The following CRTC1 variants were observed in gnomAD, a reference collection of about 807,000 sequenced individuals.
The protein encoded by CRTC1 is CREB-regulated transcription coactivator 1.
CRTC1 carries 18 observed loss-of-function variants against 66.1 expected under a neutral mutation model. The observed-to-expected ratio is 0.27, with a 90% CI of 0.19 to 0.40. The LOEUF (loss-of-function observed/expected upper bound fraction) is 0.40, where lower values mean the gene tolerates loss of function less well. Ranked by LOEUF, CRTC1 falls within the 10% of genes least tolerant of loss-of-function variation. CRTC1 has a pLI of 1.00. For missense variants in CRTC1, 669 were observed against 887.9 expected, an observed-to-expected ratio of 0.75 and a Z score of 3.13; for synonymous variants, 416 against 398.8, an observed-to-expected ratio of 1.04 and a Z score of -0.51.
At chr19:18,734,568 C>T (rs1391232683) in intron 1 of CRTC1, among the ~76,000 whole-genome samples, 2 of 152,010 alleles carry the variant, frequency 1.3e-5, no homozygotes, top group African/African-American at 2.4e-5. Context: ...CCACTACTCC[C>T]AGCTACTTAG....
chr19:18,746,082 G>A (rs896067380), intron 3 of CRTC1, 122 bp downstream of exon 3: 29 of 1,342,244 alleles, frequency 2.2e-5, no homozygotes, highest in Non-Finnish European at 2.8e-5. Context: ...CAGAATCAGG[G>A]CAGCACCATC....
At position 18,770,934 on chromosome 19, in the gene CRTC1, CTG is replaced by C. The variant is rs374362853; in HGVS notation, c.1321-499_1321-498del. Among the ~76,000 whole-genome samples, 33 of 142,454 alleles carry C rather than the reference CTG, an allele frequency of 2.3e-4. No individual in the cohort carries two copies. The East Asian group carries it at 2.9e-3, about 13-fold the overall frequency. The allele number at this position is 142,454 out of a possible 152,430, so 93.5% of individuals were successfully genotyped here. On this transcript the variant is annotated intron_variant, in intron 10 of 13. Coordinates refer to ENST00000321949, the MANE Select transcript of CRTC1 (RefSeq NM_015321.3). ...TGTACGTTTGTGTGTGGATGTGTGC[CTG>C]TGTGTGTGCATTTGTGGGTGTGAGT...
In CRTC1 at chr19:18,768,668, T is replaced by C. The variant is rs1283792424; in HGVS notation, c.1195T>C (p.Leu399=). ...PVRLPPGGPL[L]PSASLTRGPQ... Reference sequence around the variant, plus strand: ...CCGCCTGCCCCCTGGTGGCCCCCTGTTGCCCAGCGCCAGCCTGACTCGTGG... The same window carrying C: ...CCGCCTGCCCCCTGGTGGCCCCCTGCTGCCCAGCGCCAGCCTGACTCGTGG... Residue 399 remains leucine (L), a synonymous_variant, in exon 10 of 14, where the codon TTG becomes CTG. Transcript: ENST00000321949. The surrounding 1 kb of genome is among the most constrained non-coding windows in gnomAD (Gnocchi z 5.6). The C allele has an allele frequency of 6.6e-7, 1 of 1,523,140 alleles. No individual in the cohort carries two copies. 94.4% of individuals were successfully genotyped at this position (1,523,140 alleles called of 1,614,324 possible).
intron 3 of CRTC1, 109 bp from the exon 4 acceptor site, chr19:18,746,944 G>A (rs1432973882): frequency 2.1e-6 from 2 of 953,216 alleles, no homozygotes; most frequent in Non-Finnish European, 3.3e-6. Context: ...CTGTTTGCAG[G>A]CCTCAGGCCG....
In CRTC1 at chr19:18,771,408, G is replaced by T. The variant is rs774846546; in HGVS notation, c.1321-34G>T. ...GACTGGAGCCCGGGCTTGGGCAGCT[G>T]GGCTGCGGCGTGCTGATCTGTCTGT... On this transcript the variant is annotated intron_variant, in intron 10 of 13. Transcript: ENST00000321949. This position sits in a 1 kb window ranked among gnomAD's most constrained non-coding sequence, Gnocchi z 4.6. 18 of 1,572,982 alleles carry T rather than the reference G, an allele frequency of 1.1e-5. No individual in the cohort carries two copies. In the East Asian group the frequency reaches 3.8e-4, roughly 33 times the overall value.
intron 2 of CRTC1, 118 bp downstream of exon 2, chr19:18,743,144 C>A: frequency 1.3e-6 from 1 of 796,278 alleles, no homozygotes; most frequent in Non-Finnish European, 2.1e-6. Context: ...CCCACCCAAC[C>A]ACTGCCTTCT....
At chr19:18,712,131 T>C (rs1340963069) in intron 1 of CRTC1, among the ~76,000 whole-genome samples, 1 of 151,854 alleles carries the variant, frequency 6.6e-6, no homozygotes, top group Admixed American at 6.6e-5. Context: ...TTTGTGGAGA[T>C]GGGTCTCACT....
chr19:18,764,666 G>A (rs2054689144), intron 8 of CRTC1, among the ~76,000 whole-genome samples: 1 of 152,220 alleles, frequency 6.6e-6, no homozygotes, highest in African/African-American at 2.4e-5. Context: ...AGAGGGGGAA[G>A]GATGTTAAGG....
At chr19:18,755,512 C>T (rs979276075) in intron 6 of CRTC1, among the ~76,000 whole-genome samples, 2 of 151,802 alleles carry the variant, frequency 1.3e-5, no homozygotes, top group Non-Finnish European at 2.9e-5. Context: ...TCACTGCAGC[C>T]TCAACCTCCC....
intron 1 of CRTC1, among the ~76,000 whole-genome samples, chr19:18,737,934 G>A (rs1047108296): frequency 3.3e-5 from 5 of 151,874 alleles, no homozygotes; most frequent in East Asian, 1.9e-4. Context: ...TATGTAATAC[G>A]TATAACATAC....
intron 1 of CRTC1, among the ~76,000 whole-genome samples, chr19:18,716,648 G>A (rs895667973): frequency 1.3e-5 from 2 of 152,228 alleles, no homozygotes; most frequent in African/African-American, 4.8e-5. Context: ...GGCTAGTATA[G>A]GGGCTAGCGA....
rs2145876974 is a variant in CRTC1 at position 18,777,552 on chromosome 19, A to G, written c.*170A>G. ...GGTTGTCCACCTCCCGCGAAGCCCAATCGCGAGGCCGCGAGCCGGGCCGTC... is the reference window on the plus strand; with the variant it reads ...GGTTGTCCACCTCCCGCGAAGCCCAGTCGCGAGGCCGCGAGCCGGGCCGTC... On this transcript the variant is annotated 3_prime_UTR_variant, in exon 14 of 14. Coordinates refer to ENST00000321949, the MANE Select transcript of CRTC1 (RefSeq NM_015321.3). This position sits in a 1 kb window ranked among gnomAD's most constrained non-coding sequence, Gnocchi z 5.5. 2 of 612,372 alleles carry G rather than the reference A, an allele frequency of 3.3e-6. No individual in the cohort carries two copies. Among genetic ancestry groups the G allele is most frequent in the Non-Finnish European group, 2.8e-6 (1 of 360,148 alleles). The allele number at this position is 612,372 out of a possible 1,614,324, so 37.9% of individuals were successfully genotyped here.
At chr19:18,765,625 C>A in intron 9 of CRTC1, 97 bp downstream of exon 9, 1 of 1,226,612 alleles carries the variant, frequency 8.2e-7, no homozygotes, top group Non-Finnish European at 1.1e-6. Flanking sequence ...TCCAGGAGGC[C>A]ACAAAACCTT....
intron 5 of CRTC1, among the ~76,000 whole-genome samples, chr19:18,751,710 G>T (rs910108860): frequency 1.3e-5 from 2 of 152,058 alleles, no homozygotes; most frequent in African/African-American, 4.8e-5. Context: ...TCACGGGGCC[G>T]CTGCTGCCAT....
intron 11 of CRTC1, 72 bp from the exon 12 acceptor site, chr19:18,774,828 C>T (rs1056854782): frequency 1.2e-5 from 17 of 1,448,380 alleles, no homozygotes; most frequent in African/African-American, 5.6e-5. Context: ...GTCTTCCAGC[C>T]GGGCTTGGGA....
At chr19:18,747,137 C>CCA in intron 4 of CRTC1, 23 bp downstream of exon 4, 2 of 900,628 alleles carry the variant, frequency 2.2e-6, no homozygotes, top group Non-Finnish European at 3.4e-6. Context: ...ACACCCCCCC[C>CCA]CCGCCCCCTT....
chr19:18,724,082 C>T (rs996162965), intron 1 of CRTC1, among the ~76,000 whole-genome samples: 8 of 152,122 alleles, frequency 5.3e-5, no homozygotes, highest in Non-Finnish European at 1.2e-4. Context: ...GTTGAGAGAG[C>T]GACACCGTGA....
chr19:18,753,438 C>A, intron 5 of CRTC1, 62 bp from the exon 6 acceptor site: 1 of 1,232,426 alleles, frequency 8.1e-7, no homozygotes, highest in Non-Finnish European at 1.2e-6. Flanking sequence ...CTCCTGGTAC[C>A]ACCATGCGGC....
chr19:18,779,307 C>T lies in CRTC1; in HGVS notation c.*1925C>T, dbSNP rs2055057870. On this transcript the variant is annotated 3_prime_UTR_variant, in exon 14 of 14. Coordinates refer to ENST00000321949, the MANE Select transcript of CRTC1 (RefSeq NM_015321.3). Reference sequence around the variant, plus strand: ...GCAATGCCTTTGGCATGTGTCTGAGCAGCCAAGTGGCCACTCATAGGAGAA... The same window carrying T: ...GCAATGCCTTTGGCATGTGTCTGAGTAGCCAAGTGGCCACTCATAGGAGAA... 2 of 227,464 alleles carry T rather than the reference C, an allele frequency of 8.8e-6. No individual in the cohort carries two copies. Among genetic ancestry groups the T allele is most frequent in the Non-Finnish European group, 1.7e-5 (2 of 114,520 alleles). The allele number at this position is 227,464 out of a possible 1,614,324, so 14.1% of individuals were successfully genotyped here. A position where few individuals can be genotyped will look rare whatever the true frequency, so the allele number is the denominator to read the frequency against.
Sources: gnomAD v4.1 joint callset for allele counts (sites outside exome capture counted in the v4.1 genomes callset) on GRCh38, gnomAD v4.1.1 for gene constraint, Gnocchi (gnomAD v3.1) non-coding constraint, MANE v1.5 for transcripts, NCBI Gene and HGNC (gene_info 2026-07-23, HGNC 2026-07-21) for gene names.